NRG1: variants seen among roughly 807,000 people sequenced by gnomAD.
NRG1 encodes the protein pro-neuregulin-1, membrane-bound isoform.
NRG1 carries 18 observed loss-of-function variants against 63.8 expected under a neutral mutation model. The observed-to-expected ratio is 0.28, with a 90% CI of 0.19 to 0.42. NRG1 has a LOEUF of 0.42. Ranked by LOEUF, NRG1 falls within the 10% of genes least tolerant of loss-of-function variation. The pLI is 1.00. For synonymous variants in NRG1, 302 were observed against 301.3 expected (o/e 1.00, Z -0.02); for missense variants, 762 against 814.7 (o/e 0.94, Z 0.79).
At chr8:31,830,364 TCCTTCCC>T (rs1563454871) in intron 1 of NRG1, among the ~76,000 whole-genome samples, 14 of 18,980 alleles carry the variant, frequency 7.4e-4, no homozygotes, top group South Asian at 3.3e-3. Flanking sequence ...CTTCCTTCCC[TCCTTCCC>T]TCCTTCCCTC....
chr8:32,125,386 G>A (rs1474558511), intron 1 of NRG1, among the ~76,000 whole-genome samples: 2 of 151,890 alleles, frequency 1.3e-5, no homozygotes, highest in Non-Finnish European at 2.9e-5. Context: ...GACTTTAATT[G>A]CTGAGTTATC....
chr8:32,595,407 T>TC (rs1201678050), intron 1 of NRG1, among the ~76,000 whole-genome samples: 6 of 152,088 alleles, frequency 3.9e-5, no homozygotes, highest in African/African-American at 1.4e-4. Flanking sequence ...CAAACTGGAC[T>TC]CCAACTTCTG....
At chr8:32,137,857 T>A (rs1434901367) in intron 1 of NRG1, among the ~76,000 whole-genome samples, 1 of 152,134 alleles carries the variant, frequency 6.6e-6, no homozygotes, top group African/African-American at 2.4e-5. Flanking sequence ...GAATCCTCTC[T>A]CACTCTTTCC....
intron 1 of NRG1, among the ~76,000 whole-genome samples, chr8:32,414,522 G>A (rs572308853): frequency 1.3e-5 from 2 of 152,258 alleles, no homozygotes; most frequent in Non-Finnish European, 2.9e-5. Context: ...ACAGCCGTCC[G>A]TGTCAGTTGA....
Position 31,640,369 on chromosome 8 carries a change from G to A in NRG1, c.37+938G>A, listed in dbSNP as rs532196697. On this transcript the variant is annotated intron_variant, in intron 1 of 10. Coordinates refer to the NRG1 transcript ENST00000519301. This position sits in a 1 kb window ranked among gnomAD's most constrained non-coding sequence, Gnocchi z 6.3. ...GGGCCCACGGGCGCTGGGGCCGCCC[G>A]CCGAGGAGCCGCTGCTCGCCGCCAA... is the stretch of plus-strand genomic sequence containing the variant. 2.8e-5 allele frequency: 35 copies of A among 1,266,192 alleles called. No homozygotes were observed. The African/African-American group carries it at 5.3e-4, about 19-fold the overall frequency. 78.4% of individuals were successfully genotyped at this position (1,266,192 alleles called of 1,614,324 possible). A position where few individuals can be genotyped will look rare whatever the true frequency, so the allele number is the denominator to read the frequency against.
intron 1 of NRG1, among the ~76,000 whole-genome samples, chr8:32,555,687 G>A (rs1015695699): frequency 6.6e-6 from 1 of 152,170 alleles, no homozygotes; most frequent in Non-Finnish European, 1.5e-5. Context: ...TAGCCAGGAT[G>A]GTCTCCATCT....
chr8:32,544,552 G>A (rs1252249482), upstream of NRG1, among the ~76,000 whole-genome samples: 1 of 151,136 alleles, frequency 6.6e-6, no homozygotes. Flanking sequence ...ACCCAGGCTG[G>A]AGTGCAGTGG....
chr8:31,681,694 T>G (rs1808354030), intron 1 of NRG1, among the ~76,000 whole-genome samples: 1 of 148,676 alleles, frequency 6.7e-6, no homozygotes, highest in Admixed American at 6.8e-5. Flanking sequence ...TATGTTTATA[T>G]TTATTATATA....
intron 1 of NRG1, among the ~76,000 whole-genome samples, chr8:32,238,634 T>A (rs1171373288): frequency 6.6e-6 from 1 of 152,104 alleles, no homozygotes; most frequent in East Asian, 1.9e-4. Flanking sequence ...ACTGATAGGT[T>A]GCTTCTGGGT....
At chr8:31,710,980 A>G (rs941674769) in intron 1 of NRG1, among the ~76,000 whole-genome samples, 1 of 152,020 alleles carries the variant, frequency 6.6e-6, no homozygotes, top group South Asian at 2.1e-4. Context: ...TATTTATTCT[A>G]TTGGCTATCT....
At chr8:32,304,458 T>C (rs894429705) in intron 1 of NRG1, among the ~76,000 whole-genome samples, 2 of 152,168 alleles carry the variant, frequency 1.3e-5, no homozygotes, top group Non-Finnish European at 2.9e-5. Flanking sequence ...GAAGTTTCAA[T>C]TTTTAATTAA....
intron 1 of NRG1, among the ~76,000 whole-genome samples, chr8:31,809,857 G>T (rs1269470885): frequency 1.4e-5 from 2 of 143,492 alleles, no homozygotes; most frequent in East Asian, 2.1e-4. Context: ...TTTTTTTTAG[G>T]GTCAGATCCC....
At chr8:32,625,374 G>A (rs1849036800) in intron 5 of NRG1, among the ~76,000 whole-genome samples, 1 of 152,176 alleles carries the variant, frequency 6.6e-6, no homozygotes, top group Non-Finnish European at 1.5e-5. Context: ...CTGATTTCAG[G>A]TTTGGTGTTT....
intron 1 of NRG1, among the ~76,000 whole-genome samples, chr8:31,688,190 T>G (rs1302366922): frequency 6.6e-6 from 1 of 152,244 alleles, no homozygotes; most frequent in Non-Finnish European, 1.5e-5. Context: ...TTTGAATGTT[T>G]CTATCTCCCC....
chr8:32,541,448 A>G (rs1453478591), intron 1 of NRG1, among the ~76,000 whole-genome samples: 4 of 151,672 alleles, frequency 2.6e-5, no homozygotes, highest in Non-Finnish European at 5.9e-5. Context: ...GTAATTTCCT[A>G]TATACTATAA....
chr8:32,673,602 A>C (rs771668614), intron 5 of NRG1, among the ~76,000 whole-genome samples: 1 of 152,210 alleles, frequency 6.6e-6, no homozygotes, highest in Non-Finnish European at 1.5e-5. Context: ...TTAAAAAAAC[A>C]CACAACAACC....
At chr8:32,161,344 A>T (rs1280699635) in intron 1 of NRG1, among the ~76,000 whole-genome samples, 2 of 152,338 alleles carry the variant, frequency 1.3e-5, no homozygotes, top group Admixed American at 1.3e-4. Context: ...AAAGAGAAAG[A>T]GCCAGAGTAC....
intron 1 of NRG1, among the ~76,000 whole-genome samples, chr8:32,571,686 T>G (rs1209195359): frequency 1.3e-5 from 2 of 152,216 alleles, no homozygotes. Flanking sequence ...TGCCATTACT[T>G]TTGCTTCATG....
intron 5 of NRG1, among the ~76,000 whole-genome samples, chr8:32,630,800 C>G (rs999783329): frequency 2.0e-5 from 3 of 150,678 alleles, no homozygotes; most frequent in South Asian, 2.1e-4. Context: ...CATGCAGCCT[C>G]TTGTGCTGTG....
Sources: allele counts gnomAD v4.1 joint callset (sites outside exome capture counted in the v4.1 genomes callset), GRCh38; gene constraint gnomAD v4.1.1; non-coding constraint Gnocchi (gnomAD v3.1); transcripts MANE v1.5; gene names NCBI Gene and HGNC (gene_info 2026-07-23, HGNC 2026-07-21).